MMRN1: variants seen among roughly 807,000 people sequenced by gnomAD.
MMRN1 encodes the protein multimerin-1.
MMRN1 carries 94 observed loss-of-function variants against 100.7 expected under a neutral mutation model. The ratio of observed to expected loss-of-function variants is 0.93; its 90% CI spans 0.79 to 1.11. The LOEUF is 1.11. Ranked by LOEUF, MMRN1 falls within the 50% of genes least tolerant of loss-of-function variation. MMRN1 has a pLI of 0.00. For synonymous variants in MMRN1, 575 were observed against 505.0 expected, an observed-to-expected ratio of 1.14 and a Z score of -1.86; for missense variants, 1,606 against 1,439.1, an observed-to-expected ratio of 1.12 and a Z score of -1.88.
chr4:89,884,833 A>G (rs1249158195), intron 1 of MMRN1, among the ~76,000 whole-genome samples: 1 of 152,168 alleles, frequency 6.6e-6, no homozygotes, highest in Non-Finnish European at 1.5e-5. Flanking sequence ...ACAGCACTTT[A>G]CATTTTCCTT....
chr4:89,921,102 C>T (rs1364235447), intron 3 of MMRN1, among the ~76,000 whole-genome samples: 1 of 152,116 alleles, frequency 6.6e-6, no homozygotes, highest in Non-Finnish European at 1.5e-5. Context: ...TGCTTCCCTT[C>T]CTAACAAAGT....
intron 1 of MMRN1, among the ~76,000 whole-genome samples, chr4:89,905,964 A>T (rs1047300875): frequency 1.3e-5 from 2 of 151,550 alleles, no homozygotes; most frequent in East Asian, 3.9e-4. Context: ...GGTTCTAAGA[A>T]CTAGTATAAC....
intron 1 of MMRN1, among the ~76,000 whole-genome samples, chr4:89,882,309 A>T (rs573820100): frequency 2.6e-4 from 39 of 151,014 alleles, no homozygotes; most frequent in African/African-American, 9.4e-4. Flanking sequence ...ATATATATAA[A>T]TATATATAAT....
At chr4:89,904,208 C>T (rs144882891) in intron 1 of MMRN1, among the ~76,000 whole-genome samples, 6 of 151,764 alleles carry the variant, frequency 4.0e-5, no homozygotes, top group Admixed American at 6.6e-5. Flanking sequence ...AAGAGATATG[C>T]AAAATTATTA....
Position 89,936,059 on chromosome 4 carries a change from T to C in MMRN1, c.2379T>C (p.Asn793=). 1 of 1,612,036 alleles carries C rather than the reference T, an allele frequency of 6.2e-7. No individual in the cohort carries two copies. Among genetic ancestry groups the C allele is most frequent in the Non-Finnish European group, 8.5e-7 (1 of 1,179,326 alleles). ...CTATTCAGACTTTGGTCAATGACAA[T>C]CAGAGATATAACTTTGTTTTGCAAG... The part of the protein sequence containing the change: ...NDSIQTLVND[N]QRYNFVLQVA... The change falls in exon 6 of 8, where the codon AAT becomes AAC. Residue 793 remains asparagine (N), a synonymous_variant. Transcript: ENST00000264790.
chr4:89,932,521 T>C (rs1177481545), intron 5 of MMRN1, among the ~76,000 whole-genome samples: 1 of 152,178 alleles, frequency 6.6e-6, no homozygotes, highest in South Asian at 2.1e-4. Flanking sequence ...AGAGGTTCTC[T>C]ATGAAGGCTG....
rs116199471 is a variant in MMRN1, at chr4:89,913,995, A to C, written c.850+1945A>C. ...CTATACTTTGACCATTCTACTTTTC[A>C]CTTTTTAGTGCAGTTGTATTTTCAA... On this transcript the variant is annotated intron_variant, in intron 3 of 7. Transcript: ENST00000264790. Among the ~76,000 whole-genome samples, 1,430 of 151,394 alleles carry C rather than the reference A, an allele frequency of 9.4e-3. 13 individuals are homozygous for C. Among genetic ancestry groups the C allele is most frequent in the African/African-American group, 0.031 (1,300 of 41,454 alleles).
intron 2 of MMRN1, among the ~76,000 whole-genome samples, chr4:89,910,449 C>A (rs182269426): frequency 5.4e-4 from 82 of 151,224 alleles, no homozygotes; most frequent in Admixed American, 4.0e-3. Context: ...CGAATCTTAT[C>A]TTTTTTATGC....
In MMRN1 at chr4:89,953,916, A is replaced by G. The variant is rs559663196; in HGVS notation, c.*498A>G. The G allele has an allele frequency of 1.9e-4, 29 of 152,318 alleles. No individual in the cohort carries two copies. Among genetic ancestry groups the G allele is most frequent in the African/African-American group, 6.0e-4 (25 of 41,570 alleles). The allele number at this position is 152,318 out of a possible 1,614,324, so 9.4% of individuals were successfully genotyped here. ...TTTACGTTGAGTTGATCAATTTTCCATACTAAGATTTTCATTCAGAATCAA... is the reference window on the plus strand; with the variant it reads ...TTTACGTTGAGTTGATCAATTTTCCGTACTAAGATTTTCATTCAGAATCAA... On this transcript the variant is annotated 3_prime_UTR_variant, in exon 8 of 8. Coordinates refer to ENST00000264790, the MANE Select transcript of MMRN1 (RefSeq NM_007351.3).
intron 1 of MMRN1, 31 bp downstream of exon 1, chr4:89,895,625 C>T (rs764458784): frequency 1.8e-5 from 28 of 1,588,762 alleles, no homozygotes; most frequent in Non-Finnish European, 2.3e-5. Flanking sequence ...TTTGTTCTTT[C>T]TCTGTCTATC....
upstream of MMRN1, among the ~76,000 whole-genome samples, chr4:89,893,811 T>A (rs1721108878): frequency 6.6e-6 from 1 of 152,144 alleles, no homozygotes; most frequent in Non-Finnish European, 1.5e-5. Flanking sequence ...AGTGAATGAA[T>A]GAATGAACTA....
chr4:89,937,959 T>A (rs1430602790), intron 6 of MMRN1, among the ~76,000 whole-genome samples: 1 of 152,114 alleles, frequency 6.6e-6, no homozygotes, highest in East Asian at 1.9e-4. Flanking sequence ...TATTGAATAA[T>A]CTTTTCTAAA....
rs566408945 is a variant in MMRN1, at chr4:89,936,779, G to A, written c.3099G>A (p.Thr1033=). 1.6e-5 allele frequency: 25 copies of A among 1,596,626 alleles called. No individual in the cohort carries two copies. In the South Asian group the frequency reaches 2.3e-4, roughly 15 times the overall value. ...TGATAGGCCGGACTCAAAGAAACAC[G>A]GACAACATAATATATCCTGGTAAGC... ...TVLIGRTQRN[T]DNIIYPEEYS... is the part of the protein sequence containing the mutation. Residue 1033 remains threonine (T), a synonymous_variant, in exon 6 of 8, where the codon ACG becomes ACA. Coordinates refer to ENST00000264790, the MANE Select transcript of MMRN1 (RefSeq NM_007351.3).
intron 1 of MMRN1, among the ~76,000 whole-genome samples, chr4:89,883,019 A>T (rs1283371582): frequency 6.6e-6 from 1 of 152,024 alleles, no homozygotes; most frequent in East Asian, 1.9e-4. Context: ...TAACATAAGC[A>T]TTATTCTTCA....
intron 1 of MMRN1, among the ~76,000 whole-genome samples, chr4:89,896,457 C>A (rs1354911790): frequency 6.6e-6 from 1 of 151,764 alleles, no homozygotes; most frequent in Non-Finnish European, 1.5e-5. Context: ...TCAAAATAAA[C>A]AAAGAAAAAA....
At chr4:89,947,976 C>G (rs559537442) in intron 6 of MMRN1, among the ~76,000 whole-genome samples, 1 of 152,074 alleles carries the variant, frequency 6.6e-6, no homozygotes, top group Admixed American at 6.6e-5. Context: ...CCTCAGCCTC[C>G]GGAGTAGCTG....
At position 89,895,608 on chromosome 4, in the gene MMRN1, T is replaced by C. The variant is rs1262449779; in HGVS notation, c.623+14T>C. On this transcript the variant is annotated intron_variant, in intron 1 of 7. Transcript: ENST00000264790. ...AACTAGAGGAAAGTAAGAAATCTTC[T>C]TTTCTTTTTGTTCTTTCTCTGTCTA... The C allele has an allele frequency of 1.9e-6, 3 of 1,606,874 alleles. No homozygotes were observed. The highest frequency in any genetic ancestry group is 2.6e-6 in the Non-Finnish European group (3 of 1,176,228).
intron 3 of MMRN1, among the ~76,000 whole-genome samples, chr4:89,917,326 A>G (rs1393432484): frequency 6.6e-6 from 1 of 151,880 alleles, no homozygotes; most frequent in Non-Finnish European, 1.5e-5. Context: ...AAGTATTTTG[A>G]ACCCCTGGAA....
chr4:89,938,061 G>A (rs75105723), intron 6 of MMRN1, among the ~76,000 whole-genome samples: 2 of 151,646 alleles, frequency 1.3e-5, no homozygotes, highest in Non-Finnish European at 2.9e-5. Flanking sequence ...TATGAATTTT[G>A]TACTTTATTT....
Sources: allele counts gnomAD v4.1 joint callset (sites outside exome capture counted in the v4.1 genomes callset), GRCh38; gene constraint gnomAD v4.1.1; transcripts MANE v1.5; gene names NCBI Gene and HGNC (gene_info 2026-07-23, HGNC 2026-07-21).